CACHD1: variants seen among roughly 807,000 people sequenced by gnomAD.
CACHD1 encodes cache domain containing 1, also known as VWFA and cache domain-containing protein 1.
Under a neutral mutation model 138.7 loss-of-function variants are expected in CACHD1, and 71 were observed. The observed-to-expected ratio is 0.51, with a 90% CI of 0.42 to 0.62. The LOEUF (loss-of-function observed/expected upper bound fraction) is 0.62, where lower values mean the gene tolerates loss of function less well. Among genes scored for constraint, CACHD1 ranks in the 20% least tolerant of loss-of-function variants. The probability of loss-of-function intolerance (pLI) is 0.00; values close to 1 mark genes in which losing one functional copy is unlikely to be tolerated. For missense variants in CACHD1, 1,389 were observed against 1,625.3 expected (o/e 0.85, Z 2.50); for synonymous variants, 578 against 591.5 (o/e 0.98, Z 0.33).
intron 1 of CACHD1, among the ~76,000 whole-genome samples, chr1:64,543,070 A>AT (rs1215042398): frequency 6.6e-6 from 1 of 152,006 alleles, no homozygotes; most frequent in African/African-American, 2.4e-5. Context: ...TTAACAATAA[A>AT]TTTTTTATAT....
intron 12 of CACHD1, among the ~76,000 whole-genome samples, chr1:64,655,109 A>G (rs1460456005): frequency 1.3e-5 from 2 of 152,206 alleles, no homozygotes; most frequent in Non-Finnish European, 2.9e-5. Flanking sequence ...CTATAAAAAA[A>G]TGTAAAAATT....
chr1:64,486,023 C>T (rs1646239744), intron 1 of CACHD1, among the ~76,000 whole-genome samples: 1 of 152,186 alleles, frequency 6.6e-6, no homozygotes, highest in Non-Finnish European at 1.5e-5. Context: ...CTCACCACAA[C>T]TTGGTAGAAT....
chr1:64,621,395 G>A (rs1316005012), intron 4 of CACHD1, among the ~76,000 whole-genome samples: 1 of 151,734 alleles, frequency 6.6e-6, no homozygotes, highest in Admixed American at 6.6e-5. Context: ...CCCTTTTTTT[G>A]TATAAACTTG....
intron 1 of CACHD1, among the ~76,000 whole-genome samples, chr1:64,523,298 G>C (rs1044791525): frequency 6.6e-6 from 1 of 152,176 alleles, no homozygotes; most frequent in Non-Finnish European, 1.5e-5. Flanking sequence ...ACTGAAACTA[G>C]GTAATGGGTA....
intron 11 of CACHD1, 38 bp downstream of exon 11, chr1:64,653,919 T>G: frequency 6.3e-7 from 1 of 1,595,504 alleles, no homozygotes; most frequent in Non-Finnish European, 8.6e-7. Flanking sequence ...TGTTTTTCCC[T>G]GAGAATGGGA....
At chr1:64,490,164 C>T (rs1426772460) in intron 1 of CACHD1, among the ~76,000 whole-genome samples, 5 of 152,204 alleles carry the variant, frequency 3.3e-5, no homozygotes, top group Non-Finnish European at 7.3e-5. Flanking sequence ...TTTTGTCTGT[C>T]ACTAAGCATT....
chr1:64,643,722 C>T (rs1648810792), intron 8 of CACHD1, among the ~76,000 whole-genome samples: 1 of 152,154 alleles, frequency 6.6e-6, no homozygotes, highest in Non-Finnish European at 1.5e-5. Context: ...CCTGTAGTCC[C>T]AGCTACTCGG....
chr1:64,500,582 G>T (rs1325402576), intron 1 of CACHD1, among the ~76,000 whole-genome samples: 5 of 152,100 alleles, frequency 3.3e-5, no homozygotes, highest in Non-Finnish European at 5.9e-5. Context: ...GCCGGGCTCA[G>T]TGGCTCATGT....
chr1:64,691,533 C>T lies in CACHD1; in HGVS notation c.3797C>T (p.Thr1266Met), dbSNP rs141480229. The T allele has an allele frequency of 5.5e-5, 89 of 1,613,882 alleles. No individual in the cohort carries two copies. Among genetic ancestry groups the T allele is most frequent in the Admixed American group, 1.0e-4 (6 of 59,982 alleles). Residue 1266 changes from threonine (T) to methionine (M), a missense_variant, in exon 27 of 27, where the codon ACG becomes ATG. By Grantham distance (81) the Thr-to-Met change is moderately conservative. Around this residue, in one of 5 missense-constraint regions of CACHD1, gnomAD observed 78 missense variants for 76.9 expected, o/e 1.01. Transcript: ENST00000651257. The stretch of plus-strand genomic sequence containing the variant: ...AGCCACCACTTACAGGCGGCCGTCA[C>T]GGTACACACTGTCGATGCAGAATGC... ...HHSHHLQAAVTVHTVDAEC is the reference protein window; with the variant it reads ...HHSHHLQAAVMVHTVDAEC
chr1:64,511,520 C>A (rs973069764), intron 1 of CACHD1, among the ~76,000 whole-genome samples: 4 of 152,090 alleles, frequency 2.6e-5, no homozygotes, highest in African/African-American at 9.7e-5. Context: ...CATAAAATTG[C>A]AAGATTAGAA....
chr1:64,649,185 C>T (rs905802844), intron 9 of CACHD1, among the ~76,000 whole-genome samples: 1 of 151,996 alleles, frequency 6.6e-6, no homozygotes, highest in Non-Finnish European at 1.5e-5. Flanking sequence ...AGAAATAAGC[C>T]AACTGCCATT....
chr1:64,572,151 T>C (rs1422973706), intron 2 of CACHD1, among the ~76,000 whole-genome samples: 1 of 152,194 alleles, frequency 6.6e-6, no homozygotes, highest in East Asian at 1.9e-4. Context: ...TCGTGATTAA[T>C]ATTCTACACA....
At chr1:64,480,205 A>G (rs889566743) in intron 1 of CACHD1, among the ~76,000 whole-genome samples, 3 of 152,228 alleles carry the variant, frequency 2.0e-5, no homozygotes, top group Non-Finnish European at 4.4e-5. Context: ...GAGACAGTCA[A>G]ATCTGCCCTG....
chr1:64,585,305 A>G (rs1365128620), intron 3 of CACHD1, among the ~76,000 whole-genome samples: 1 of 152,236 alleles, frequency 6.6e-6, no homozygotes, highest in African/African-American at 2.4e-5. Flanking sequence ...GAATATGTTG[A>G]GATAAGGGTT....
At chr1:64,517,756 C>T (rs1646469134) in intron 1 of CACHD1, among the ~76,000 whole-genome samples, 1 of 152,188 alleles carries the variant, frequency 6.6e-6, no homozygotes, top group Admixed American at 6.5e-5. Context: ...AGCTTCTCCT[C>T]AGGAGGAGGG....
rs745385797 is a variant in CACHD1, at chr1:64,678,264, G to A, written c.3198G>A (p.Gly1066=). ...YCAPQKECFG[G]IVGAKSPYVD... is the part of the protein sequence containing the mutation. ...CCCCCCAGAAAGAATGCTTCGGGGG[G>A]ATTGTGGGAGCCAAAAGTCCCTACG... Residue 1066 remains glycine (G), a synonymous_variant, in exon 23 of 27, where the codon GGG becomes GGA. Coordinates refer to ENST00000651257, the MANE Select transcript of CACHD1 (RefSeq NM_020925.4). 6.2e-7 allele frequency: 1 copy of A among 1,601,604 alleles called. No homozygotes were observed. Among genetic ancestry groups the A allele is most frequent in the Non-Finnish European group, 8.5e-7 (1 of 1,175,674 alleles).
At chr1:64,589,378 A>G (rs1302200317) in intron 3 of CACHD1, among the ~76,000 whole-genome samples, 2 of 152,282 alleles carry the variant, frequency 1.3e-5, no homozygotes, top group African/African-American at 4.8e-5. Context: ...AGGTTTTGAT[A>G]CAAGAACACA....
At chr1:64,504,214 A>T (rs1039559763) in intron 1 of CACHD1, among the ~76,000 whole-genome samples, 4 of 152,104 alleles carry the variant, frequency 2.6e-5, no homozygotes, top group Non-Finnish European at 5.9e-5. Context: ...TTTTTTGCAG[A>T]CATGGGGTTT....
chr1:64,569,270 AT>A (rs1338366949), intron 2 of CACHD1, among the ~76,000 whole-genome samples: 1 of 152,246 alleles, frequency 6.6e-6, no homozygotes, highest in Non-Finnish European at 1.5e-5. Flanking sequence ...AAATAAAAAA[AT>A]AAACACACAC....
Sources: allele counts gnomAD v4.1 joint callset (sites outside exome capture counted in the v4.1 genomes callset), GRCh38; gene constraint gnomAD v4.1.1; regional missense constraint gnomAD v4.1.1; transcripts MANE v1.5; gene names NCBI Gene and HGNC (gene_info 2026-07-23, HGNC 2026-07-21).